The following ABCC1 variants were observed in gnomAD, a reference collection of about 807,000 sequenced individuals.
The protein encoded by ABCC1 is ATP binding cassette subfamily C member 1 (ABCC1 blood group).
Under a neutral mutation model 172.9 loss-of-function variants are expected in ABCC1, and 83 were observed. The ratio of observed to expected loss-of-function variants is 0.48; its 90% confidence interval spans 0.40 to 0.58. The LOEUF is 0.58. Among genes scored for constraint, ABCC1 ranks in the 20% least tolerant of loss-of-function variants. The pLI is 0.00. For missense variants in ABCC1, 1,817 were observed against 2,002.7 expected, an observed-to-expected ratio of 0.91 and a Z score of 1.77; for synonymous variants, 937 against 825.2, an observed-to-expected ratio of 1.14 and a Z score of -2.32.
chr16:16,048,638 C>G (rs1223917275), intron 10 of ABCC1, among the ~76,000 whole-genome samples: 1 of 152,144 alleles, frequency 6.6e-6, no homozygotes, highest in East Asian at 1.9e-4. Flanking sequence ...TTCATTAGTC[C>G]CTAATTATGG....
At chr16:15,977,002 T>C (rs2046510998) in intron 1 of ABCC1, among the ~76,000 whole-genome samples, 1 of 152,114 alleles carries the variant, frequency 6.6e-6, no homozygotes, top group Non-Finnish European at 1.5e-5. Context: ...GCCATCTGTG[T>C]TGTGATGCCG....
chr16:15,949,618 C>CGCCGCCGCCGCCGCCGCT lies in ABCC1; in HGVS notation c.-119_-118insGCTGCCGCCGCCGCCGCC, dbSNP rs2045811966. 1 of 559,008 alleles carries CGCCGCCGCCGCCGCCGCT rather than the reference C, an allele frequency of 1.8e-6. No homozygotes were observed. The highest frequency in any genetic ancestry group is 2.3e-6 in the Non-Finnish European group (1 of 441,992). 34.6% of individuals were successfully genotyped at this position (559,008 alleles called of 1,614,324 possible). A position where few individuals can be genotyped will look rare whatever the true frequency, so the allele number is the denominator to read the frequency against. On this transcript the variant is annotated 5_prime_UTR_variant, in exon 1 of 31. Transcript: ENST00000399410. ...CCCCGGCCCCGGCTCCCTGCGCCGC[C>CGCCGCCGCCGCCGCCGCT]GCCGCCGCCGCCGCCAGCGCTAGCG...
chr16:16,111,644 T>C (rs3887893), intron 22 of ABCC1, 62 bp downstream of exon 22: 600,603 of 1,468,488 alleles, frequency 0.41, 124,566 homozygotes, highest in South Asian at 0.55. Context: ...TGTCTAATTA[T>C]AGAAATGGAT....
At chr16:15,975,714 C>G (rs757751285) in intron 1 of ABCC1, among the ~76,000 whole-genome samples, 20 of 151,514 alleles carry the variant, frequency 1.3e-4, no homozygotes, top group Non-Finnish European at 2.2e-4. Flanking sequence ...GCGCCACCAT[C>G]TCTGGCTAAT....
intron 27 of ABCC1, 22 bp from the exon 28 acceptor site, chr16:16,134,328 C>G (rs768759231): frequency 3.7e-6 from 6 of 1,613,678 alleles, no homozygotes; most frequent in Non-Finnish European, 2.5e-6. Flanking sequence ...TCCCACCACA[C>G]CTGGGCCCTT....
rs763123490 is a variant in ABCC1 at position 16,079,409 on chromosome 16, C to T, written c.2046C>T (p.Cys682=). 8.1e-6 allele frequency: 13 copies of T among 1,613,786 alleles called. No homozygotes were observed. In the South Asian group the frequency reaches 9.9e-5, roughly 12 times the overall value. ...TGGCCGTGGTGGGCCAGGTGGGCTG[C>T]GGAAAGTCGTCCCTGCTCTCAGCCC... ...ALVAVVGQVG[C]GKSSLLSALL... Residue 682 remains cysteine, a synonymous_variant, in exon 16 of 31, where the codon TGC becomes TGT. Coordinates refer to ENST00000399410, the MANE Select transcript of ABCC1 (RefSeq NM_004996.4).
At chr16:16,014,319 A>C (rs2047906782) in intron 3 of ABCC1, among the ~76,000 whole-genome samples, 172 bp from the exon 4 acceptor site, 1 of 152,118 alleles carries the variant, frequency 6.6e-6, no homozygotes, top group Non-Finnish European at 1.5e-5. Flanking sequence ...GGTGGCGGGC[A>C]CCTGTAGTCC....
At chr16:15,973,647 T>C (rs1219193702) in intron 1 of ABCC1, among the ~76,000 whole-genome samples, 1 of 152,106 alleles carries the variant, frequency 6.6e-6, no homozygotes, top group African/African-American at 2.4e-5. Context: ...CTCAAGATAC[T>C]ATCAGATCTC....
chr16:16,037,301 C>G (rs970703004), intron 7 of ABCC1, among the ~76,000 whole-genome samples: 2 of 152,076 alleles, frequency 1.3e-5, no homozygotes, highest in East Asian at 3.9e-4. Context: ...CAAAGAAGCC[C>G]CATTTGAGGG....
intron 1 of ABCC1, among the ~76,000 whole-genome samples, chr16:15,964,643 AT>A (rs895290810): frequency 4.6e-5 from 7 of 151,756 alleles, no homozygotes; most frequent in African/African-American, 1.7e-4. Context: ...AAAATGGATT[AT>A]GTTGTAATCA....
chr16:16,043,177 T>C (rs2049046540), intron 7 of ABCC1, among the ~76,000 whole-genome samples: 1 of 151,018 alleles, frequency 6.6e-6, no homozygotes, highest in South Asian at 2.1e-4. Context: ...AAAAAATTTT[T>C]TTTTAGAAAT....
intron 12 of ABCC1, among the ~76,000 whole-genome samples, chr16:16,062,539 C>G (rs905758264): frequency 2.6e-5 from 4 of 152,144 alleles, no homozygotes; most frequent in African/African-American, 4.8e-5. Flanking sequence ...TTTTCTTGAG[C>G]TTTCTTGCCA....
intron 16 of ABCC1, among the ~76,000 whole-genome samples, chr16:16,079,916 C>T (rs926229985): frequency 1.4e-4 from 21 of 151,352 alleles, no homozygotes; most frequent in Non-Finnish European, 1.3e-4. Flanking sequence ...TGGGTCCAAG[C>T]GATTCTCCCT....
At chr16:15,954,413 C>G (rs2045942430) in intron 1 of ABCC1, among the ~76,000 whole-genome samples, 1 of 152,104 alleles carries the variant, frequency 6.6e-6, no homozygotes, top group Non-Finnish European at 1.5e-5. Context: ...AAAGGGATGT[C>G]AGATCTTGGG....
chr16:16,040,842 C>A (rs1482042779), intron 7 of ABCC1, among the ~76,000 whole-genome samples: 1 of 152,064 alleles, frequency 6.6e-6, no homozygotes, highest in Non-Finnish European at 1.5e-5. Flanking sequence ...TATTTAGGGA[C>A]AAGAGTGAAG....
chr16:15,962,694 C>T (rs1027492752), intron 1 of ABCC1, among the ~76,000 whole-genome samples: 1 of 152,202 alleles, frequency 6.6e-6, no homozygotes, highest in Non-Finnish European at 1.5e-5. Context: ...ATCAGATCTT[C>T]TGAGGACTCA....
chr16:16,114,776 G>A lies in ABCC1; in HGVS notation c.3090G>A (p.Val1030=), dbSNP rs2044776143. Residue 1030 remains valine, a synonymous_variant, in exon 23 of 31, where the codon GTG becomes GTA. Coordinates refer to ENST00000399410, the MANE Select transcript of ABCC1 (RefSeq NM_004996.4). ...TCCGAGTGTCTGCAGGGATCGCCGT[G>A]TTTGGCTACTCCATGGCCGTGTCCA... is the stretch of plus-strand genomic sequence containing the variant. ...GALGISQGIA[V]FGYSMAVSIG... The A allele has an allele frequency of 1.3e-6, 2 of 1,596,590 alleles. No individual in the cohort carries two copies. Among genetic ancestry groups the A allele is most frequent in the Non-Finnish European group, 1.7e-6 (2 of 1,165,858 alleles).
In ABCC1 at chr16:16,136,483, T is replaced by C; in HGVS notation, c.4131T>C (p.Pro1377=). ...ACTCTCTTCTCTCTGAACAGGACCCTGTTTTGTTTTCGGGTTCCCTCCGAA... is the reference window on the plus strand; with the variant it reads ...ACTCTCTTCTCTCTGAACAGGACCCCGTTTTGTTTTCGGGTTCCCTCCGAA... ...RFKITIIPQD[P]VLFSGSLRMN... is the part of the protein sequence containing the mutation. Residue 1377 remains proline, a synonymous_variant, in exon 29 of 31, where the codon CCT becomes CCC. Transcript: ENST00000399410. The C allele has an allele frequency of 6.2e-7, 1 of 1,614,176 alleles. No individual in the cohort carries two copies. The highest frequency in any genetic ancestry group is 8.5e-7 in the Non-Finnish European group (1 of 1,180,032).
chr16:16,054,693 T>C (rs2151910541), intron 11 of ABCC1, among the ~76,000 whole-genome samples: 1 of 152,246 alleles, frequency 6.6e-6, no homozygotes, highest in African/African-American at 2.4e-5. Context: ...ACTCAACCCA[T>C]TTCAGTCCCT....
Sources: gnomAD v4.1 joint callset for allele counts (sites outside exome capture counted in the v4.1 genomes callset) on GRCh38, gnomAD v4.1.1 for gene constraint, MANE v1.5 for transcripts, NCBI Gene and HGNC (gene_info 2026-07-23, HGNC 2026-07-21) for gene names.